Variants in F2RL1 observed in about 807,000 individuals in gnomAD.
F2RL1 encodes proteinase-activated receptor 2.
In F2RL1, 16 loss-of-function variants were observed where a neutral mutation model predicts 21.7. The observed-to-expected ratio is 0.74, with a 90% CI of 0.50 to 1.12. The LOEUF (loss-of-function observed/expected upper bound fraction) is 1.12. Ranked by LOEUF, F2RL1 falls within the 50% of genes most tolerant of loss-of-function variation. The pLI, the probability that F2RL1 is intolerant of heterozygous loss-of-function variation, is 0.00. For missense variants in F2RL1, 432 were observed against 477.8 expected, an observed-to-expected ratio of 0.90 and a Z score of 0.89; for synonymous variants, 181 against 186.7, an observed-to-expected ratio of 0.97 and a Z score of 0.25.
Position 76,835,186 on chromosome 5 carries a change from A to G in F2RL1, c.*1385A>G, listed in dbSNP as rs968054502. ...TTTGGACCACATCTCTTTGGAAAAT[A>G]GTTTGCAACATATTTAAGAGATACT... is the stretch of plus-strand genomic sequence containing the variant. On this transcript the variant is annotated 3_prime_UTR_variant, in exon 2 of 2. Coordinates refer to ENST00000296677, the MANE Select transcript of F2RL1 (RefSeq NM_005242.6). 6.6e-6 allele frequency: 1 copy of G among 152,394 alleles called. No homozygotes were observed. The highest frequency in any genetic ancestry group is 1.5e-5 in the Non-Finnish European group (1 of 68,050). 9.4% of individuals were successfully genotyped at this position (152,394 alleles called of 1,614,324 possible). A position where few individuals can be genotyped will look rare whatever the true frequency, so the allele number is the denominator to read the frequency against.
At chr5:76,828,062 C>T (rs549432460) in intron 1 of F2RL1, among the ~76,000 whole-genome samples, 5 of 151,558 alleles carry the variant, frequency 3.3e-5, no homozygotes, top group African/African-American at 9.7e-5. Context: ...CTGTGCCTCC[C>T]GGTTCAAATG....
rs754913009 is a variant in F2RL1, at chr5:76,835,005, G to A, written c.*1204G>A. 4 of 152,300 alleles carry A rather than the reference G, an allele frequency of 2.6e-5. No homozygotes were observed. Among genetic ancestry groups the A allele is most frequent in the Non-Finnish European group, 5.9e-5 (4 of 68,024 alleles). The allele number at this position is 152,300 out of a possible 1,614,324, so 9.4% of individuals were successfully genotyped here. A position where few individuals can be genotyped will look rare whatever the true frequency, so the allele number is the denominator to read the frequency against. ...ATACAAATTTTGTATAACTTTTGAT[G>A]ACTTCAGTGAAATTTTCAGGTAGTC... is the stretch of plus-strand genomic sequence containing the variant. On this transcript the variant is annotated 3_prime_UTR_variant, in exon 2 of 2. Coordinates refer to ENST00000296677, the MANE Select transcript of F2RL1 (RefSeq NM_005242.6).
At chr5:76,828,958 A>G (rs1260474163) in intron 1 of F2RL1, among the ~76,000 whole-genome samples, 1 of 152,098 alleles carries the variant, frequency 6.6e-6, no homozygotes, top group East Asian at 1.9e-4. Context: ...TCTACTAAAA[A>G]TACAAAAATT....
intron 1 of F2RL1, among the ~76,000 whole-genome samples, chr5:76,828,501 T>TA (rs34867768): frequency 2.1e-5 from 3 of 144,162 alleles, no homozygotes; most frequent in Non-Finnish European, 4.5e-5. Context: ...TTTTTTTTTT[T>TA]AATATAGAGA....
At chr5:76,821,591 T>G (rs1245907138) in intron 1 of F2RL1, among the ~76,000 whole-genome samples, 1 of 149,498 alleles carries the variant, frequency 6.7e-6, no homozygotes, top group African/African-American at 2.5e-5. Context: ...TTTTGGGTTT[T>G]TTTTTTTTTT....
At chr5:76,829,966 GGACTATCCTAA>G (rs1164641155) in intron 1 of F2RL1, among the ~76,000 whole-genome samples, 11 of 152,242 alleles carry the variant, frequency 7.2e-5, no homozygotes, top group African/African-American at 2.6e-4. Flanking sequence ...ACTAGAAATA[GGACTATCCTAA>G]GCATATTAGT....
At chr5:76,829,970 T>C (rs902345459) in intron 1 of F2RL1, among the ~76,000 whole-genome samples, 8 of 152,200 alleles carry the variant, frequency 5.3e-5, no homozygotes, top group African/African-American at 1.9e-4. Flanking sequence ...GAAATAGGAC[T>C]ATCCTAAGCA....
intron 1 of F2RL1, among the ~76,000 whole-genome samples, chr5:76,829,307 G>A (rs540683774): frequency 8.9e-4 from 132 of 147,880 alleles, no homozygotes; most frequent in African/African-American, 3.1e-3. Context: ...ATGTTGCCCT[G>A]GCTGGTCTTG....
At chr5:76,824,630 A>C (rs1750206578) in intron 1 of F2RL1, among the ~76,000 whole-genome samples, 1 of 151,880 alleles carries the variant, frequency 6.6e-6, no homozygotes, top group Non-Finnish European at 1.5e-5. Context: ...CCAGGGCCTG[A>C]ACTACTCCCC....
chr5:76,819,542 G>A (rs1444276147), intron 1 of F2RL1, among the ~76,000 whole-genome samples: 2 of 152,176 alleles, frequency 1.3e-5, no homozygotes, highest in South Asian at 2.1e-4. Flanking sequence ...GTCATGCTGG[G>A]CACCTCCAGG....
intron 1 of F2RL1, among the ~76,000 whole-genome samples, chr5:76,829,163 A>G (rs1438923276): frequency 1.3e-5 from 2 of 151,870 alleles, no homozygotes; most frequent in African/African-American, 4.8e-5. Flanking sequence ...TCAGGATTGA[A>G]ACAAGGTACA....
chr5:76,826,304 T>G (rs1750237586), intron 1 of F2RL1, among the ~76,000 whole-genome samples: 1 of 152,252 alleles, frequency 6.6e-6, no homozygotes. Context: ...ACCACAATTT[T>G]AGAACATTTT....
Position 76,819,206 on chromosome 5 carries a change from G to T in F2RL1, c.24G>T (p.Trp8Cys). MRSPSAA[W>C]LLGAAILLAA... ...GGATGCGGAGCCCCAGCGCGGCGTG[G>T]CTGCTGGGGGCCGCCATCCTGCTAG... Residue 8 changes from tryptophan to cysteine, a missense_variant, in exon 1 of 2, where the codon TGG becomes TGT. Trp to Cys is a radical substitution (Grantham distance 215, BLOSUM62 -2). Transcript: ENST00000296677. 6.3e-7 allele frequency: 1 copy of T among 1,588,268 alleles called. No individual in the cohort carries two copies. Among genetic ancestry groups the T allele is most frequent in the Non-Finnish European group, 8.5e-7 (1 of 1,176,302 alleles).
At chr5:76,830,571 A>T (rs1344806548) in intron 1 of F2RL1, among the ~76,000 whole-genome samples, 1 of 152,166 alleles carries the variant, frequency 6.6e-6, no homozygotes, top group African/African-American at 2.4e-5. Context: ...ACACCACGCC[A>T]GGCCTCTGCC....
In F2RL1 at chr5:76,832,173, A is replaced by G. The variant is rs570044432; in HGVS notation, c.83-517A>G. 1.2e-4 allele frequency among the ~76,000 whole-genome samples: 18 copies of G among 147,080 alleles called. No individual in the cohort carries two copies. In the East Asian group the frequency reaches 3.5e-3, roughly 28 times the overall value. ...CCTTACAACTCCCCGATACAAAAAT[A>G]CTCACTGTAAGAAAAAAACCCATAA... On this transcript the variant is annotated intron_variant, in intron 1 of 1. Coordinates refer to ENST00000296677, the MANE Select transcript of F2RL1 (RefSeq NM_005242.6).
intron 1 of F2RL1, among the ~76,000 whole-genome samples, chr5:76,832,312 C>G (rs2150607885): frequency 6.6e-6 from 1 of 152,208 alleles, no homozygotes; most frequent in East Asian, 1.9e-4. Flanking sequence ...ATCTAAAGTA[C>G]TTTCATTTGA....
chr5:76,822,568 T>C (rs751496522), intron 1 of F2RL1, among the ~76,000 whole-genome samples: 57 of 152,224 alleles, frequency 3.7e-4, no homozygotes, highest in Non-Finnish European at 2.9e-4. Context: ...GATAGGACTT[T>C]AAATTTGATC....
chr5:76,827,908 C>G (rs1046818844), intron 1 of F2RL1, among the ~76,000 whole-genome samples: 2 of 152,130 alleles, frequency 1.3e-5, no homozygotes, highest in African/African-American at 4.8e-5. Context: ...TATAGGAACT[C>G]TTTAACCATT....
chr5:76,824,706 G>C (rs1750207640), intron 1 of F2RL1, among the ~76,000 whole-genome samples: 1 of 152,164 alleles, frequency 6.6e-6, no homozygotes, highest in South Asian at 2.1e-4. Flanking sequence ...GAATATTCTA[G>C]TACATAAAAT....
Sources: gnomAD v4.1 joint callset for allele counts (sites outside exome capture counted in the v4.1 genomes callset) on GRCh38, gnomAD v4.1.1 for gene constraint, MANE v1.5 for transcripts, NCBI Gene and HGNC (gene_info 2026-07-23, HGNC 2026-07-21) for gene names.